Variants in SIPA1L3 observed in about 807,000 individuals in gnomAD.
The protein encoded by SIPA1L3 is signal induced proliferation associated 1 like 3.
In SIPA1L3, 59 loss-of-function variants were observed where a neutral mutation model predicts 150.1. That is an observed-to-expected ratio of 0.39 (90% CI 0.32 to 0.49). The LOEUF is 0.49. Ranked by LOEUF, SIPA1L3 falls within the 20% of genes least tolerant of loss-of-function variation. The pLI is 0.86. For missense variants in SIPA1L3, 2,211 were observed against 2,489.5 expected, an observed-to-expected ratio of 0.89 and a Z score of 2.38; for synonymous variants, 1,070 against 1,077.6, an observed-to-expected ratio of 0.99 and a Z score of 0.14.
At chr19:38,130,904 G>GC in intron 10 of SIPA1L3, 132 bp downstream of exon 10, 1 of 979,304 alleles carries the variant, frequency 1.0e-6, no homozygotes, top group Non-Finnish European at 1.5e-6. Context: ...AGGAATAGTG[G>GC]CAACAGTGAC....
At chr19:38,083,219 C>G in intron 3 of SIPA1L3, 120 bp downstream of exon 3, 1 of 1,057,984 alleles carries the variant, frequency 9.5e-7, no homozygotes, top group South Asian at 1.5e-5. Flanking sequence ...GTGGCGGGAA[C>G]AGAGACCTCC....
rs1365024848 is a variant in SIPA1L3 at position 38,077,815 on chromosome 19, T to C, written c.-310-3441T>C. On this transcript the variant is annotated intron_variant, in intron 2 of 21. Transcript: ENST00000222345. ...CCTCCCACGTAGCTGGGACTACAGGTGTGCGCCACCGCACCCAGCTAACGT... is the reference window on the plus strand; with the variant it reads ...CCTCCCACGTAGCTGGGACTACAGGCGTGCGCCACCGCACCCAGCTAACGT... 3.3e-5 allele frequency among the ~76,000 whole-genome samples: 5 copies of C among 151,720 alleles called. 1 individual carries two copies. The highest frequency in any genetic ancestry group is 1.2e-4 in the African/African-American group (5 of 41,304).
chr19:38,023,823 T>TGTCC (rs1470198533), intron 1 of SIPA1L3, among the ~76,000 whole-genome samples: 1 of 152,096 alleles, frequency 6.6e-6, no homozygotes, highest in Non-Finnish European at 1.5e-5. Context: ...AGAGGCTGGG[T>TGTCC]AGACACTGCC....
intron 1 of SIPA1L3, among the ~76,000 whole-genome samples, chr19:37,958,209 G>A (rs1030960576): frequency 4.6e-5 from 7 of 152,110 alleles, no homozygotes; most frequent in African/African-American, 1.7e-4. Flanking sequence ...CAGGGTAGTT[G>A]GATTGCTTCA....
intron 4 of SIPA1L3, among the ~76,000 whole-genome samples, chr19:38,090,138 TG>T (rs1215865957): frequency 6.6e-6 from 1 of 152,086 alleles, no homozygotes; most frequent in Non-Finnish European, 1.5e-5. Context: ...GAGACCAGCC[TG>T]GCCAACATGG....
At chr19:37,941,241 G>T (rs528930857) in intron 1 of SIPA1L3, among the ~76,000 whole-genome samples, 2 of 152,078 alleles carry the variant, frequency 1.3e-5, no homozygotes, top group African/African-American at 4.8e-5. Context: ...GATGACCATT[G>T]CTCAGAGCCA....
At position 38,003,281 on chromosome 19, in the gene SIPA1L3, C is replaced by T. The variant is rs148066844; in HGVS notation, c.-378-25808C>T. Reference sequence around the variant, plus strand: ...GGAGCCCACAGCCAGGGAGAAAACACAAGAACCGCAGAGCCATATGGATAA... The same window carrying T: ...GGAGCCCACAGCCAGGGAGAAAACATAAGAACCGCAGAGCCATATGGATAA... On this transcript the variant is annotated intron_variant, in intron 1 of 21. Transcript: ENST00000222345. Among the ~76,000 whole-genome samples, 535 of 152,334 alleles carry T rather than the reference C, an allele frequency of 3.5e-3. 8 individuals are homozygous for T. The highest frequency in any genetic ancestry group is 2.3e-3 in the Non-Finnish European group (154 of 68,030).
At chr19:38,006,813 C>T (rs56321312) in intron 1 of SIPA1L3, among the ~76,000 whole-genome samples, 46,505 of 152,080 alleles carry the variant, frequency 0.31, 7,890 homozygotes, top group East Asian at 0.7. Flanking sequence ...GCTTCACCTA[C>T]ACATGTTCCC....
rs1973230669 is a variant in SIPA1L3 at position 38,206,920 on chromosome 19, T to C, written c.*680T>C. ...AAGGCTAGCCTCCAGAGCCGATTTA[T>C]TTGAGAGAGAAACTCTATTTGGATC... On this transcript the variant is annotated 3_prime_UTR_variant, in exon 22 of 22. Coordinates refer to ENST00000222345, the MANE Select transcript of SIPA1L3 (RefSeq NM_015073.3). 6.6e-6 allele frequency: 1 copy of C among 152,574 alleles called. No homozygotes were observed. The highest frequency in any genetic ancestry group is 1.5e-5 in the Non-Finnish European group (1 of 68,050). The allele number at this position is 152,574 out of a possible 1,614,324, so 9.5% of individuals were successfully genotyped here.
intron 13 of SIPA1L3, among the ~76,000 whole-genome samples, chr19:38,161,705 C>T (rs1466424603): frequency 4.0e-5 from 6 of 151,794 alleles, no homozygotes; most frequent in Admixed American, 1.3e-4. Flanking sequence ...CCAGCCTGAG[C>T]GACAGAGCGA....
intron 3 of SIPA1L3, among the ~76,000 whole-genome samples, chr19:38,084,132 G>GAAAC (rs771616063): frequency 0.24 from 37,021 of 151,692 alleles, 6,464 homozygotes; most frequent in African/African-American, 0.5. Flanking sequence ...GCATCAGTAT[G>GAAAC]GTCAGCCTTA....
chr19:38,090,191 G>A lies in SIPA1L3; in HGVS notation c.1665+1340G>A, dbSNP rs545391831. ...CTAAAAATACAAAAATTAGCTGGGC[G>A]TGGTGGCAGGCACCTGTAATCCTAG... On this transcript the variant is annotated intron_variant, in intron 4 of 21. Coordinates refer to ENST00000222345, the MANE Select transcript of SIPA1L3 (RefSeq NM_015073.3). Among the ~76,000 whole-genome samples the A allele has an allele frequency of 1.6e-4, 25 of 152,118 alleles. 1 individual carries two copies. The East Asian group carries it at 3.7e-3, about 22-fold the overall frequency.
intron 1 of SIPA1L3, among the ~76,000 whole-genome samples, chr19:37,929,738 A>T (rs916440454): frequency 6.6e-6 from 1 of 152,196 alleles, no homozygotes; most frequent in Admixed American, 6.5e-5. Flanking sequence ...AAAGGAGAGG[A>T]TGCCAGTCAA....
At chr19:37,986,041 G>C (rs1438687553) in intron 1 of SIPA1L3, among the ~76,000 whole-genome samples, 1 of 152,256 alleles carries the variant, frequency 6.6e-6, no homozygotes, top group Non-Finnish European at 1.5e-5. Context: ...GTCTGCCCTA[G>C]AGAAGCTCCA....
At chr19:37,971,104 T>C (rs1232664926) in intron 1 of SIPA1L3, among the ~76,000 whole-genome samples, 1 of 152,100 alleles carries the variant, frequency 6.6e-6, no homozygotes, top group African/African-American at 2.4e-5. Flanking sequence ...TTTTAAAAAT[T>C]TATTCCTCCC....
At chr19:37,990,842 A>AT (rs534352192) in intron 1 of SIPA1L3, among the ~76,000 whole-genome samples, 1 of 152,182 alleles carries the variant, frequency 6.6e-6, no homozygotes, top group Admixed American at 6.5e-5. Context: ...AATCCCCATG[A>AT]TGACTTAGTG....
At chr19:38,054,592 A>G (rs538552004) in intron 2 of SIPA1L3, among the ~76,000 whole-genome samples, 1 of 151,552 alleles carries the variant, frequency 6.6e-6, no homozygotes, top group Non-Finnish European at 1.5e-5. Context: ...GAGCAACTCC[A>G]TCTCAAAAAA....
Position 38,088,741 on chromosome 19 carries a change from G to A in SIPA1L3, c.1555G>A (p.Val519Met), listed in dbSNP as rs749193385. The change falls in exon 4 of 22, where the codon GTG (valine) becomes ATG (methionine). Residue 519 changes from valine (V) to methionine (M), a missense_variant. Coordinates refer to ENST00000222345, the MANE Select transcript of SIPA1L3 (RefSeq NM_015073.3). ...CTTAGAACATGCCAATTACTTCGGC[G>A]TGGATGAGAAGCTGGGGCCAGTGGC... ...VGKEHANYFG[V>M]DEKLGPVAVS... 2.4e-5 allele frequency: 39 copies of A among 1,613,812 alleles called. No individual in the cohort carries two copies. The highest frequency in any genetic ancestry group is 6.7e-5 in the East Asian group (3 of 44,878).
At chr19:37,960,767 C>T (rs112853834) in intron 1 of SIPA1L3, among the ~76,000 whole-genome samples, 10 of 151,782 alleles carry the variant, frequency 6.6e-5, no homozygotes, top group East Asian at 3.9e-4. Context: ...TTGCTCAGGC[C>T]GGTCTTGAAC....
Sources: gnomAD v4.1 joint callset for allele counts (sites outside exome capture counted in the v4.1 genomes callset) on GRCh38, gnomAD v4.1.1 for gene constraint, MANE v1.5 for transcripts, NCBI Gene and HGNC (gene_info 2026-07-23, HGNC 2026-07-21) for gene names.